NDE1: variants seen among roughly 807,000 people sequenced by gnomAD.
The protein encoded by NDE1 is nudE neurodevelopment protein 1, also known as nuclear distribution protein nudE homolog 1.
Under a neutral mutation model 43.4 loss-of-function variants are expected in NDE1, and 28 were observed. The observed-to-expected ratio is 0.65, with a 90% CI of 0.48 to 0.89. NDE1 has a LOEUF of 0.89. NDE1 is among the 40% of genes least tolerant of loss of function. The probability of loss-of-function intolerance (pLI) is 0.00; values close to 1 mark genes in which losing one functional copy is unlikely to be tolerated. For synonymous variants in NDE1, 184 were observed against 172.0 expected (o/e 1.07, Z -0.55); for missense variants, 441 against 434.1 (o/e 1.02, Z -0.14).
Position 15,667,632 on chromosome 16 carries a change from G to T in NDE1, c.237+193G>T, listed in dbSNP as rs7191817. Among the ~76,000 whole-genome samples, 95,155 of 132,122 alleles carry T rather than the reference G, an allele frequency of 0.72. 34,916 individuals carry two copies. Among genetic ancestry groups the T allele is most frequent in the African/African-American group, 0.89 (31,900 of 35,818 alleles). The allele number at this position is 132,122 out of a possible 152,430, so 86.7% of individuals were successfully genotyped here. A position where few individuals can be genotyped will look rare whatever the true frequency, so the allele number is the denominator to read the frequency against. ...TCTAGTGGGTGGTGCTTTTTGTTTT[G>T]TTTTTTTTTTTTTTTTGAGATGGAG... On this transcript the variant is annotated intron_variant, in intron 3 of 8. Transcript: ENST00000396354.
chr16:15,717,692 A>G, intron 8 of NDE1: 1 of 384,952 alleles, frequency 2.6e-6, no homozygotes, highest in Non-Finnish European at 4.8e-6. Context: ...GCTACTTGGG[A>G]GGTTGAAGCA....
chr16:15,664,113 GCCCCCACT>G (rs1216794006), intron 1 of NDE1, among the ~76,000 whole-genome samples: 3 of 151,418 alleles, frequency 2.0e-5, no homozygotes, highest in South Asian at 2.1e-4. Context: ...TTCCATTCCA[GCCCCCACT>G]CCCCCACTCC....
At chr16:15,719,356 C>T (rs1258619960) in intron 8 of NDE1, 1 of 1,585,948 alleles carries the variant, frequency 6.3e-7, no homozygotes, top group South Asian at 1.1e-5. Flanking sequence ...AAGGCCAAGC[C>T]CCACCAAGAG....
chr16:15,680,117 T>A (rs1455017091), intron 4 of NDE1, among the ~76,000 whole-genome samples: 1 of 152,146 alleles, frequency 6.6e-6, no homozygotes, highest in Non-Finnish European at 1.5e-5. Context: ...ATTTATTTGG[T>A]TTTCTTAGGT....
chr16:15,705,199 C>T (rs1446223936), intron 8 of NDE1, among the ~76,000 whole-genome samples: 1 of 152,200 alleles, frequency 6.6e-6, no homozygotes, highest in Non-Finnish European at 1.5e-5. Context: ...CCAGGCTGGT[C>T]TTGAACTCCT....
At chr16:15,702,536 T>G (rs995796105) in intron 8 of NDE1, among the ~76,000 whole-genome samples, 7 of 151,606 alleles carry the variant, frequency 4.6e-5, no homozygotes, top group African/African-American at 1.7e-4. Flanking sequence ...AGTACAGGTG[T>G]GCACTATCCT....
At chr16:15,675,791 G>C (rs1198627293) in intron 3 of NDE1, among the ~76,000 whole-genome samples, 1 of 152,178 alleles carries the variant, frequency 6.6e-6, no homozygotes, top group Admixed American at 6.5e-5. Flanking sequence ...GAGCTCGGGA[G>C]TGGGCAGGTG....
intron 1 of NDE1, among the ~76,000 whole-genome samples, chr16:15,656,854 C>T (rs2036793835): frequency 6.6e-6 from 1 of 151,768 alleles, no homozygotes; most frequent in South Asian, 2.1e-4. Flanking sequence ...CTTGGGTGTT[C>T]AAGGAAGAGA....
intron 3 of NDE1, among the ~76,000 whole-genome samples, chr16:15,669,853 C>T (rs1357175257): frequency 6.6e-6 from 1 of 152,172 alleles, no homozygotes; most frequent in Non-Finnish European, 1.5e-5. Context: ...CAGTAGCATT[C>T]CCCGCACCTC....
At chr16:15,719,115 GAAACTCTGTCTCGA>G in intron 8 of NDE1, 1 of 1,135,530 alleles carries the variant, frequency 8.8e-7, no homozygotes, top group African/African-American at 1.5e-5. Flanking sequence ...GTGACAGAAT[GAAACTCTGTCTCGA>G]AAAAATTTAA....
intron 5 of NDE1, 39 bp downstream of exon 5, chr16:15,687,550 C>T (rs748163215): frequency 1.9e-6 from 3 of 1,554,942 alleles, no homozygotes; most frequent in Non-Finnish European, 2.7e-6. Flanking sequence ...ATGGTCCCCT[C>T]TCCCTACCTG....
In NDE1 at chr16:15,724,733, C is replaced by T. The variant is rs1157274278; in HGVS notation, c.*482C>T. 5 of 1,614,198 alleles carry T rather than the reference C, an allele frequency of 3.1e-6. No individual in the cohort carries two copies. The highest frequency in any genetic ancestry group is 1.7e-6 in the Non-Finnish European group (2 of 1,180,026). ...AGCTGGTCTTGCAGGCTGTTCCGCT[C>T]CTCCTCCAGCTGGCGCAGCTTCGTA... is the stretch of plus-strand genomic sequence containing the variant. On this transcript the variant is annotated 3_prime_UTR_variant, in exon 9 of 9. Coordinates refer to ENST00000396354, the MANE Select transcript of NDE1 (RefSeq NM_017668.3).
chr16:15,662,026 T>C (rs2037071691), intron 1 of NDE1, among the ~76,000 whole-genome samples: 1 of 151,944 alleles, frequency 6.6e-6, no homozygotes, highest in South Asian at 2.1e-4. Context: ...CTCAAATTCC[T>C]GGACTCATGT....
intron 4 of NDE1, among the ~76,000 whole-genome samples, chr16:15,678,690 A>G (rs191603757): frequency 1.3e-5 from 2 of 152,260 alleles, no homozygotes; most frequent in Admixed American, 6.6e-5. Flanking sequence ...GATAATGACT[A>G]ACATTTACAG....
exon 1 of NDE1, chr16:15,643,439 C>G: frequency 2.2e-6 from 1 of 451,640 alleles, no homozygotes; most frequent in Middle Eastern, 3.3e-4. Flanking sequence ...AACCTTGAAG[C>G]GGAGAATGAG....
intron 8 of NDE1, among the ~76,000 whole-genome samples, chr16:15,699,362 C>T (rs750255016): frequency 1.3e-5 from 2 of 151,718 alleles, no homozygotes; most frequent in Non-Finnish European, 2.9e-5. Flanking sequence ...TGGGCTCCAG[C>T]GATCCTTCCA....
intron 8 of NDE1, chr16:15,717,083 A>G: frequency 1.3e-6 from 2 of 1,571,352 alleles, no homozygotes; most frequent in Non-Finnish European, 8.8e-7. Context: ...CTTCACTATG[A>G]CTCCTGCTGT....
intron 4 of NDE1, among the ~76,000 whole-genome samples, chr16:15,680,141 G>A (rs1056874560): frequency 6.6e-6 from 1 of 152,160 alleles, no homozygotes; most frequent in Admixed American, 6.5e-5. Flanking sequence ...TTACTTGGCT[G>A]AGCTTACAGC....
chr16:15,690,591 T>C (rs1182179544), intron 5 of NDE1, among the ~76,000 whole-genome samples: 1 of 151,994 alleles, frequency 6.6e-6, no homozygotes. Context: ...AAAGCATTAG[T>C]GTGTCACTGT....
Sources: allele counts gnomAD v4.1 joint callset (sites outside exome capture counted in the v4.1 genomes callset), GRCh38; gene constraint gnomAD v4.1.1; transcripts MANE v1.5; gene names NCBI Gene and HGNC (gene_info 2026-07-23, HGNC 2026-07-21).